SSBP2: variants seen among roughly 807,000 people sequenced by gnomAD.
SSBP2 encodes single-stranded DNA-binding protein 2.
In SSBP2, 17 loss-of-function variants were observed where a neutral mutation model predicts 61.8. The ratio of observed to expected loss-of-function variants is 0.28; its 90% CI spans 0.19 to 0.41. The LOEUF is 0.41. Ranked by LOEUF, SSBP2 falls within the 10% of genes least tolerant of loss-of-function variation. The pLI, the probability that SSBP2 is intolerant of heterozygous loss-of-function variation, is 1.00. For synonymous variants in SSBP2, 139 were observed against 141.3 expected (o/e 0.98, Z 0.12); for missense variants, 310 against 458.7 (o/e 0.68, Z 2.96).
chr5:81,707,928 T>C (rs185026492), intron 1 of SSBP2, among the ~76,000 whole-genome samples: 23 of 152,282 alleles, frequency 1.5e-4, no homozygotes, highest in Admixed American at 7.8e-4. Context: ...TTAACACACG[T>C]TGCTTTAAGA....
At chr5:81,574,809 T>C (rs1275449082) in intron 4 of SSBP2, among the ~76,000 whole-genome samples, 1 of 151,862 alleles carries the variant, frequency 6.6e-6, no homozygotes, top group African/African-American at 2.4e-5. Context: ...AAAAAAAATG[T>C]CAACCTAGAG....
At chr5:81,705,288 TAG>T (rs1048451116) in intron 1 of SSBP2, among the ~76,000 whole-genome samples, 9 of 152,114 alleles carry the variant, frequency 5.9e-5, no homozygotes, top group African/African-American at 2.4e-5. Flanking sequence ...AATAAAATGT[TAG>T]AGTTTTTTAA....
At chr5:81,542,708 G>C (rs747962065) in intron 4 of SSBP2, among the ~76,000 whole-genome samples, 6 of 151,968 alleles carry the variant, frequency 3.9e-5, no homozygotes, top group Non-Finnish European at 8.8e-5. Context: ...CATGTGTCGA[G>C]GGAAGGACCA....
At chr5:81,721,328 C>T (rs1755529791) in intron 1 of SSBP2, among the ~76,000 whole-genome samples, 1 of 152,102 alleles carries the variant, frequency 6.6e-6, no homozygotes, top group South Asian at 2.1e-4. Flanking sequence ...CTATACAACT[C>T]TTCCAACACA....
At chr5:81,445,210 T>C (rs1428667696) in intron 12 of SSBP2, among the ~76,000 whole-genome samples, 2 of 132,190 alleles carry the variant, frequency 1.5e-5, no homozygotes, top group Non-Finnish European at 3.2e-5. Flanking sequence ...CTGACTTCTA[T>C]GTACAGAAAA....
intron 1 of SSBP2, among the ~76,000 whole-genome samples, chr5:81,667,461 C>A (rs1372863340): frequency 6.6e-6 from 1 of 152,016 alleles, no homozygotes; most frequent in Non-Finnish European, 1.5e-5. Flanking sequence ...CAGTAGAGAC[C>A]AGTGGGTTCA....
At chr5:81,425,568 C>A (rs989140620) in intron 16 of SSBP2, among the ~76,000 whole-genome samples, 12 of 152,102 alleles carry the variant, frequency 7.9e-5, no homozygotes, top group Admixed American at 1.3e-4. Context: ...GGAAATAAGA[C>A]CAGACCAGCT....
Position 81,417,932 on chromosome 5 carries a change from G to T in SSBP2, c.*2572C>A, listed in dbSNP as rs1421995311. On this transcript the variant is annotated 3_prime_UTR_variant, in exon 17 of 17. Transcript: ENST00000320672. ...TTTTACTTTTAGGTTAGAAATAATGGGGATCATGATGCAATTCATATTCTC... is the reference window on the plus strand; with the variant it reads ...TTTTACTTTTAGGTTAGAAATAATGTGGATCATGATGCAATTCATATTCTC... 1 of 151,556 alleles carries T rather than the reference G, an allele frequency of 6.6e-6. No homozygotes were observed. The highest frequency in any genetic ancestry group is 1.5e-5 in the Non-Finnish European group (1 of 67,912). The allele number at this position is 151,556 out of a possible 1,614,324, so 9.4% of individuals were successfully genotyped here. A position where few individuals can be genotyped will look rare whatever the true frequency, so the allele number is the denominator to read the frequency against.
At chr5:81,746,642 A>G (rs992322850) in intron 1 of SSBP2, among the ~76,000 whole-genome samples, 2 of 152,138 alleles carry the variant, frequency 1.3e-5, no homozygotes, top group South Asian at 4.1e-4. Flanking sequence ...CTACTTTGAA[A>G]TAAGCATATG....
chr5:81,654,250 C>A (rs774433673), intron 1 of SSBP2, among the ~76,000 whole-genome samples: 1 of 152,256 alleles, frequency 6.6e-6, no homozygotes, highest in East Asian at 1.9e-4. Flanking sequence ...CAGGCATGAG[C>A]GACTGGACCT....
At chr5:81,537,017 AT>A (rs1228653261) in intron 4 of SSBP2, among the ~76,000 whole-genome samples, 4 of 147,504 alleles carry the variant, frequency 2.7e-5, no homozygotes, top group South Asian at 4.3e-4. Flanking sequence ...AAAAAAAAAA[AT>A]TGTAGCAATT....
intron 1 of SSBP2, among the ~76,000 whole-genome samples, chr5:81,747,027 G>T (rs139746671): frequency 7.1e-6 from 1 of 140,918 alleles, no homozygotes; most frequent in Non-Finnish European, 1.5e-5. Flanking sequence ...ATTCCTGGGG[G>T]GGGGGGGAAT....
rs757431433 is a variant in SSBP2 at position 81,437,411 on chromosome 5, C to G, written c.957+19G>C. 3 of 1,595,982 alleles carry G rather than the reference C, an allele frequency of 1.9e-6. No homozygotes were observed. The highest frequency in any genetic ancestry group is 2.3e-5 in the East Asian group (1 of 44,394). Reference sequence around the variant, plus strand: ...AATAAAATTCTGATTAAAAACAACACAGAATACACAGCACTCACCTTGGAA... The same window carrying G: ...AATAAAATTCTGATTAAAAACAACAGAGAATACACAGCACTCACCTTGGAA... On this transcript the variant is annotated intron_variant, in intron 15 of 16. Transcript: ENST00000320672.
At chr5:81,524,204 G>A (rs1415123436) in intron 4 of SSBP2, among the ~76,000 whole-genome samples, 3 of 151,910 alleles carry the variant, frequency 2.0e-5, no homozygotes, top group Non-Finnish European at 4.4e-5. Context: ...GTGAATGTGG[G>A]GCTTCTAAAT....
intron 1 of SSBP2, among the ~76,000 whole-genome samples, chr5:81,732,763 C>T (rs1756351657): frequency 6.6e-6 from 1 of 152,112 alleles, no homozygotes; most frequent in Admixed American, 6.5e-5. Context: ...GCAAGTGCAC[C>T]TATAACAAAA....
At chr5:81,478,163 CT>C (rs547884287) in intron 6 of SSBP2, among the ~76,000 whole-genome samples, 2 of 151,644 alleles carry the variant, frequency 1.3e-5, no homozygotes, top group Non-Finnish European at 2.9e-5. Context: ...AAAAAATTAA[CT>C]TTTTTTTATT....
chr5:81,520,957 T>C (rs1324258805), intron 4 of SSBP2, among the ~76,000 whole-genome samples: 1 of 152,096 alleles, frequency 6.6e-6, no homozygotes, highest in Non-Finnish European at 1.5e-5. Flanking sequence ...ATCTATTTTG[T>C]CCAAAATTAA....
chr5:81,506,422 T>C (rs1768184599), intron 5 of SSBP2, among the ~76,000 whole-genome samples: 1 of 152,134 alleles, frequency 6.6e-6, no homozygotes, highest in Non-Finnish European at 1.5e-5. Context: ...TAATTCTACT[T>C]CAGAGTTTCA....
chr5:81,552,995 C>A (rs898628934), intron 4 of SSBP2, among the ~76,000 whole-genome samples: 1 of 152,208 alleles, frequency 6.6e-6, no homozygotes, highest in East Asian at 1.9e-4. Context: ...GTACTTCCAG[C>A]ACAGTAGCAG....
Sources: gnomAD v4.1 joint callset for allele counts (sites outside exome capture counted in the v4.1 genomes callset) on GRCh38, gnomAD v4.1.1 for gene constraint, MANE v1.5 for transcripts, NCBI Gene and HGNC (gene_info 2026-07-23, HGNC 2026-07-21) for gene names.